The following ATG10 variants were observed in gnomAD, a reference collection of about 807,000 sequenced individuals.
The protein encoded by ATG10 is ubiquitin-like-conjugating enzyme ATG10.
In ATG10, 30 loss-of-function variants were observed where a neutral mutation model predicts 32.1. That is an observed-to-expected ratio of 0.94 (90% CI 0.70 to 1.27). ATG10 has a LOEUF of 1.27. ATG10 is among the 50% of genes most tolerant of loss of function. The probability of loss-of-function intolerance (pLI) is 0.00; values close to 1 mark genes in which losing one functional copy is unlikely to be tolerated. For synonymous variants in ATG10, 87 were observed against 91.5 expected (o/e 0.95, Z 0.28); for missense variants, 233 against 262.3 (o/e 0.89, Z 0.77).
intron 1 of ATG10, among the ~76,000 whole-genome samples, chr5:81,984,416 GGGGAGA>G (rs561830298): frequency 4.3e-4 from 65 of 152,322 alleles, no homozygotes; most frequent in South Asian, 1.5e-3. Context: ...GGGAGACCGT[GGGGAGA>G]GGGAGAGGGA....
intron 3 of ATG10, among the ~76,000 whole-genome samples, chr5:82,119,442 A>G (rs575656391): frequency 7.4e-4 from 112 of 152,100 alleles, no homozygotes; most frequent in Non-Finnish European, 1.4e-3. Context: ...TAATTGTTTG[A>G]TTTGTAAGGC....
chr5:82,083,726 C>T (rs185105119), intron 3 of ATG10, among the ~76,000 whole-genome samples: 1 of 152,148 alleles, frequency 6.6e-6, no homozygotes, highest in African/African-American at 2.4e-5. Flanking sequence ...CTGGAGTGGA[C>T]CTCCAGAAAA....
intron 5 of ATG10, among the ~76,000 whole-genome samples, chr5:82,189,361 G>A (rs1744571517): frequency 6.6e-6 from 1 of 152,156 alleles, no homozygotes. Flanking sequence ...AGATTATCAG[G>A]AGAGACAGAC....
At chr5:82,109,615 T>C (rs1199564025) in intron 3 of ATG10, among the ~76,000 whole-genome samples, 1 of 151,792 alleles carries the variant, frequency 6.6e-6, no homozygotes, top group Non-Finnish European at 1.5e-5. Context: ...TTTATAATGA[T>C]ATATGTTCAC....
intron 5 of ATG10, among the ~76,000 whole-genome samples, chr5:82,225,471 A>ATG (rs1746089694): frequency 2.0e-5 from 3 of 152,228 alleles, no homozygotes; most frequent in African/African-American, 7.2e-5. Flanking sequence ...AGGAAAGGAG[A>ATG]TGCTCTCTGG....
chr5:82,192,345 C>T (rs990833211), intron 5 of ATG10, among the ~76,000 whole-genome samples: 1 of 152,134 alleles, frequency 6.6e-6, no homozygotes, highest in African/African-American at 2.4e-5. Context: ...TTTATTCAGT[C>T]CTCTCTCCCT....
chr5:82,079,862 A>G (rs1042965965), intron 3 of ATG10, among the ~76,000 whole-genome samples: 12 of 152,142 alleles, frequency 7.9e-5, no homozygotes, highest in African/African-American at 2.7e-4. Context: ...ATGATTTATA[A>G]TCCTTTGGGT....
At chr5:82,121,636 C>A (rs930751955) in intron 3 of ATG10, among the ~76,000 whole-genome samples, 1 of 152,056 alleles carries the variant, frequency 6.6e-6, no homozygotes, top group Non-Finnish European at 1.5e-5. Context: ...GCTCTTATTC[C>A]TTTGATGCCT....
At chr5:82,120,446 T>A (rs1344336314) in intron 3 of ATG10, among the ~76,000 whole-genome samples, 1 of 152,062 alleles carries the variant, frequency 6.6e-6, no homozygotes, top group Non-Finnish European at 1.5e-5. Flanking sequence ...AATAGATGGA[T>A]TTGAACATGT....
rs543496721 is a variant in ATG10 at position 82,154,627 on chromosome 5, A to G, written c.217-9772A>G. On this transcript the variant is annotated intron_variant, in intron 3 of 7. Transcript: ENST00000282185. ...CCTATATTATGCTTCTCTGAAGTCT[A>G]TGTGTTTTTATCCGAGATTTTGAGT... 2.6e-5 allele frequency among the ~76,000 whole-genome samples: 4 copies of G among 152,234 alleles called. No homozygotes were observed. In the East Asian group the frequency reaches 5.8e-4, roughly 22 times the overall value.
rs568680623 is a variant in ATG10, at chr5:82,182,834, T to A, written c.453+4247T>A. ...CAGTATCTTGTTTGTGATATTGTAC[T>A]ATAGTCTTGCAAGATGTTACCATTG... On this transcript the variant is annotated intron_variant, in intron 5 of 7. Coordinates refer to ENST00000282185, the MANE Select transcript of ATG10 (RefSeq NM_031482.5). Among the ~76,000 whole-genome samples, 18 of 152,252 alleles carry A rather than the reference T, an allele frequency of 1.2e-4. No homozygotes were observed. The South Asian group carries it at 3.7e-3, about 32-fold the overall frequency.
chr5:82,154,585 G>T lies in ATG10; in HGVS notation c.217-9814G>T, dbSNP rs576393142. 1.8e-3 allele frequency among the ~76,000 whole-genome samples: 277 copies of T among 152,230 alleles called. 1 individual carries two copies. The highest frequency in any genetic ancestry group is 6.2e-3 in the African/African-American group (258 of 41,548). ...GAACCCACATCTAGCTCCAAATTCT[G>T]TGCTTTTTTATTTTTGCCTATATTA... On this transcript the variant is annotated intron_variant, in intron 3 of 7. Transcript: ENST00000282185.
At chr5:82,091,197 A>G (rs1228780437) in intron 3 of ATG10, among the ~76,000 whole-genome samples, 1 of 152,160 alleles carries the variant, frequency 6.6e-6, no homozygotes, top group Non-Finnish European at 1.5e-5. Context: ...GACCCCATCT[A>G]GGAGTCAGCT....
At chr5:82,123,117 C>A (rs1766112705) in intron 3 of ATG10, among the ~76,000 whole-genome samples, 1 of 152,160 alleles carries the variant, frequency 6.6e-6, no homozygotes, top group Non-Finnish European at 1.5e-5. Context: ...CCTAAATGTC[C>A]ATCAATGACA....
rs1762074144 is a variant in ATG10 at position 82,009,617 on chromosome 5, A to G, written c.108+21939A>G. 6 of 1,590,298 alleles carry G rather than the reference A, an allele frequency of 3.8e-6. No homozygotes were observed. The East Asian group carries it at 1.3e-4, about 35-fold the overall frequency. ...AAACTTATTCGAGTTGTCCACAGTC[A>G]GCAATGGTGATCTTCTTGCTGGTCT... On this transcript the variant is annotated intron_variant, in intron 2 of 7. Coordinates refer to ENST00000282185, the MANE Select transcript of ATG10 (RefSeq NM_031482.5).
intron 2 of ATG10, among the ~76,000 whole-genome samples, chr5:82,010,290 C>G (rs1267482270): frequency 6.6e-6 from 1 of 152,150 alleles, no homozygotes; most frequent in Non-Finnish European, 1.5e-5. Context: ...TAATTCCCCT[C>G]ATATGTGGGG....
At chr5:82,242,049 T>C (rs1022887009) in intron 5 of ATG10, among the ~76,000 whole-genome samples, 2 of 152,124 alleles carry the variant, frequency 1.3e-5, no homozygotes, top group African/African-American at 4.8e-5. Flanking sequence ...CGAGCCATTA[T>C]GAATGAGGGC....
At chr5:81,990,155 A>G (rs1761412889) in intron 2 of ATG10, among the ~76,000 whole-genome samples, 1 of 152,152 alleles carries the variant, frequency 6.6e-6, no homozygotes, top group Non-Finnish European at 1.5e-5. Flanking sequence ...ATGTTAGGTG[A>G]TGATGATAAA....
At chr5:82,171,126 A>G (rs767231447) in intron 4 of ATG10, among the ~76,000 whole-genome samples, 32 of 152,182 alleles carry the variant, frequency 2.1e-4, no homozygotes, top group Non-Finnish European at 2.2e-4. Flanking sequence ...AGGTTCATCA[A>G]AATGGTCTTA....
Sources: gnomAD v4.1 joint callset for allele counts (sites outside exome capture counted in the v4.1 genomes callset) on GRCh38, gnomAD v4.1.1 for gene constraint, MANE v1.5 for transcripts, NCBI Gene and HGNC (gene_info 2026-07-23, HGNC 2026-07-21) for gene names.